NALF1: variants seen among roughly 807,000 people sequenced by gnomAD.
NALF1 encodes the protein family with sequence similarity 155 member A.
NALF1 carries 3 observed loss-of-function variants against 48.4 expected under a neutral mutation model. That is an observed-to-expected ratio of 0.06 (90% confidence interval 0.03 to 0.16). The LOEUF is 0.16. NALF1 is among the 10% of genes least tolerant of loss of function. The pLI is 1.00. For synonymous variants in NALF1, 262 were observed against 245.7 expected, an observed-to-expected ratio of 1.07 and a Z score of -0.62; for missense variants, 526 against 571.5, an observed-to-expected ratio of 0.92 and a Z score of 0.81.
At chr13:107,194,990 G>T (rs1340038380) in intron 2 of NALF1, among the ~76,000 whole-genome samples, 2 of 152,054 alleles carry the variant, frequency 1.3e-5, no homozygotes, top group African/African-American at 4.8e-5. Context: ...TAATCATCAG[G>T]GAAATGCAAA....
chr13:107,607,371 T>C (rs1212652020), intron 1 of NALF1, among the ~76,000 whole-genome samples: 1 of 152,058 alleles, frequency 6.6e-6, no homozygotes, highest in African/African-American at 2.4e-5. Context: ...AACATATGGA[T>C]AATGCAGAGA....
chr13:107,715,487 C>CGGTG (rs1207446913), intron 1 of NALF1, among the ~76,000 whole-genome samples: 2 of 152,188 alleles, frequency 1.3e-5, no homozygotes, highest in African/African-American at 4.8e-5. Context: ...TAGGCGTGAG[C>CGGTG]CACCGTCCCC....
At chr13:107,595,289 T>C (rs1159404237) in intron 1 of NALF1, among the ~76,000 whole-genome samples, 1 of 152,150 alleles carries the variant, frequency 6.6e-6, no homozygotes, top group East Asian at 1.9e-4. Context: ...GAGAACATTA[T>C]TCTAATCATA....
chr13:107,258,023 A>G (rs866903336), intron 1 of NALF1, among the ~76,000 whole-genome samples: 4 of 152,216 alleles, frequency 2.6e-5, no homozygotes, highest in Admixed American at 6.5e-5. Context: ...AAACAAATAT[A>G]TAAGTGAGTC....
At chr13:107,399,325 A>G (rs1184236744) in intron 1 of NALF1, among the ~76,000 whole-genome samples, 1 of 152,160 alleles carries the variant, frequency 6.6e-6, no homozygotes, top group East Asian at 1.9e-4. Flanking sequence ...TTTTTCAGAA[A>G]AATGAACAGC....
intron 1 of NALF1, among the ~76,000 whole-genome samples, chr13:107,477,965 T>C (rs1885198172): frequency 6.6e-6 from 1 of 151,976 alleles, no homozygotes; most frequent in Non-Finnish European, 1.5e-5. Context: ...AAAGTATAAA[T>C]GCCTCCTGTC....
chr13:107,639,765 G>C (rs540444627), intron 1 of NALF1, among the ~76,000 whole-genome samples: 2 of 152,136 alleles, frequency 1.3e-5, no homozygotes, highest in East Asian at 3.9e-4. Context: ...AAGTAAAGAG[G>C]GTCATGTCCA....
At chr13:107,437,127 A>G (rs746609871) in intron 1 of NALF1, among the ~76,000 whole-genome samples, 5 of 152,288 alleles carry the variant, frequency 3.3e-5, no homozygotes, top group East Asian at 1.9e-4. Context: ...AAGAAAGCAC[A>G]TGAAAAAATG....
At chr13:107,422,263 A>G (rs1295180635) in intron 1 of NALF1, among the ~76,000 whole-genome samples, 10 of 152,208 alleles carry the variant, frequency 6.6e-5, no homozygotes, top group Admixed American at 6.5e-4. Flanking sequence ...TTGATACAAA[A>G]ATATGCTCTT....
At chr13:107,781,458 TCCCAC>T (rs1407749454) in intron 1 of NALF1, among the ~76,000 whole-genome samples, 1 of 152,104 alleles carries the variant, frequency 6.6e-6, no homozygotes, top group East Asian at 1.9e-4. Context: ...TTCAGTTTGC[TCCCAC>T]CCCTACATAT....
intron 1 of NALF1, among the ~76,000 whole-genome samples, chr13:107,449,036 G>T (rs1398456469): frequency 6.6e-6 from 1 of 152,168 alleles, no homozygotes; most frequent in African/African-American, 2.4e-5. Flanking sequence ...ATGAGGTCAG[G>T]AGTTCAAGAC....
intron 1 of NALF1, among the ~76,000 whole-genome samples, chr13:107,315,960 C>G (rs1331489676): frequency 6.6e-6 from 1 of 151,780 alleles, no homozygotes; most frequent in East Asian, 1.9e-4. Context: ...AGGTTTGTTA[C>G]ATATGTATAC....
At chr13:107,211,352 C>T (rs1383784805) in intron 1 of NALF1, among the ~76,000 whole-genome samples, 1 of 152,176 alleles carries the variant, frequency 6.6e-6, no homozygotes, top group Non-Finnish European at 1.5e-5. Flanking sequence ...CAGAAACACC[C>T]GACATAGAGC....
chr13:107,818,871 CAAAAAAAAAAA>C lies in NALF1; in HGVS notation c.915+46800_915+46810del, dbSNP rs774372636. ...TGGGCGACAGAGCGAGACTCCGTCT[CAAAAAAAAAAA>C]AAAAAAAAAAAAAATCCAGTTGAGC... On this transcript the variant is annotated intron_variant, in intron 1 of 2. Transcript: ENST00000375915. 1.4e-4 allele frequency among the ~76,000 whole-genome samples: 10 copies of C among 73,818 alleles called. No homozygotes were observed. The South Asian group carries it at 3.1e-3, about 23-fold the overall frequency. 48.4% of individuals were successfully genotyped at this position (73,818 alleles called of 152,430 possible). A position where few individuals can be genotyped will look rare whatever the true frequency, so the allele number is the denominator to read the frequency against.
At chr13:107,824,567 G>A (rs1879456307) in intron 1 of NALF1, among the ~76,000 whole-genome samples, 1 of 152,160 alleles carries the variant, frequency 6.6e-6, no homozygotes, top group African/African-American at 2.4e-5. Flanking sequence ...GAGTCTGATA[G>A]TCTAGACAGG....
At chr13:107,243,147 C>T (rs1406362773) in intron 1 of NALF1, among the ~76,000 whole-genome samples, 1 of 152,194 alleles carries the variant, frequency 6.6e-6, no homozygotes, top group Non-Finnish European at 1.5e-5. Flanking sequence ...CTCGTCCTGA[C>T]CTGACCGCTG....
chr13:107,486,381 A>G (rs1885330630), intron 1 of NALF1, among the ~76,000 whole-genome samples: 1 of 152,188 alleles, frequency 6.6e-6, no homozygotes, highest in Non-Finnish European at 1.5e-5. Context: ...TAGGGGAAAG[A>G]TCATAGAAAG....
At chr13:107,756,636 T>C (rs550870444) in intron 1 of NALF1, among the ~76,000 whole-genome samples, 14 of 152,246 alleles carry the variant, frequency 9.2e-5, no homozygotes, top group African/African-American at 3.4e-4. Flanking sequence ...TCCATGGATT[T>C]GTCACCACTT....
chr13:107,669,810 T>C (rs7335931), intron 1 of NALF1, among the ~76,000 whole-genome samples: 83,519 of 151,922 alleles, frequency 0.55, 24,319 homozygotes, highest in African/African-American at 0.72. Context: ...CCAGAACAAA[T>C]GCAACTGCCT....
Sources: allele counts gnomAD v4.1 joint callset (sites outside exome capture counted in the v4.1 genomes callset), GRCh38; gene constraint gnomAD v4.1.1; transcripts MANE v1.5; gene names NCBI Gene and HGNC (gene_info 2026-07-23, HGNC 2026-07-21).